FGGY: variants seen among roughly 807,000 people sequenced by gnomAD.
FGGY encodes the protein FGGY carbohydrate kinase domain-containing protein.
In FGGY, 72 loss-of-function variants were observed where a neutral mutation model predicts 71.3. The ratio of observed to expected loss-of-function variants is 1.01; its 90% CI spans 0.84 to 1.23. The LOEUF is 1.23. Ranked by LOEUF, FGGY falls within the 50% of genes most tolerant of loss-of-function variation. FGGY has a pLI of 0.00. For synonymous variants in FGGY, 251 were observed against 250.3 expected (o/e 1.00, Z -0.02); for missense variants, 668 against 682.3 (o/e 0.98, Z 0.23).
intron 2 of FGGY, among the ~76,000 whole-genome samples, chr1:59,335,942 T>G (rs1361816339): frequency 6.6e-6 from 1 of 152,172 alleles, no homozygotes; most frequent in South Asian, 2.1e-4. Flanking sequence ...TTTCTTCCAG[T>G]CTGTAGCTTG....
At chr1:59,673,873 A>G (rs1173349338) in intron 13 of FGGY, 166 bp from the exon 14 acceptor site, 1 of 597,400 alleles carries the variant, frequency 1.7e-6, no homozygotes, top group Non-Finnish European at 3.0e-6. Context: ...GAAATCTTTT[A>G]GAACCAAATA....
At chr1:59,305,397 A>G (rs1417892977) in intron 1 of FGGY, among the ~76,000 whole-genome samples, 1 of 152,146 alleles carries the variant, frequency 6.6e-6, no homozygotes, top group Non-Finnish European at 1.5e-5. Context: ...CATTACAAGG[A>G]TAGTTACTTA....
chr1:59,533,793 A>G (rs2095234511), intron 7 of FGGY, among the ~76,000 whole-genome samples: 1 of 152,228 alleles, frequency 6.6e-6, no homozygotes, highest in Admixed American at 6.5e-5. Context: ...AGGAAAACTA[A>G]CAAACAGAAA....
chr1:59,368,453 T>C (rs1433581347), intron 4 of FGGY, among the ~76,000 whole-genome samples: 1 of 152,224 alleles, frequency 6.6e-6, no homozygotes. Flanking sequence ...CCTGTGACTT[T>C]GGGCTAAGCC....
chr1:59,370,375 A>G (rs537940910), intron 4 of FGGY, among the ~76,000 whole-genome samples: 4,249 of 152,098 alleles, frequency 0.028, 214 homozygotes, highest in African/African-American at 0.097. Context: ...AAAAAGAAAC[A>G]AACAAAGCCT....
intron 7 of FGGY, among the ~76,000 whole-genome samples, chr1:59,534,961 G>A (rs1010593848): frequency 4.0e-5 from 6 of 151,152 alleles, no homozygotes; most frequent in Non-Finnish European, 3.0e-5. Context: ...ATAATGACAG[G>A]AACAAATTCA....
At position 59,723,962 on chromosome 1, in the gene FGGY, A is replaced by C. The variant is rs150361054; in HGVS notation, c.1513-33969A>C. On this transcript the variant is annotated intron_variant, in intron 14 of 15. Transcript: ENST00000303721. ...CAGATCACATGAGGTCAGGAGTTCA[A>C]GACCAGCCTGGCCAGCATGGCAAAA... Among the ~76,000 whole-genome samples, 579 of 152,134 alleles carry C rather than the reference A, an allele frequency of 3.8e-3. 12 individuals are homozygous for C. The East Asian group carries it at 0.055, about 14-fold the overall frequency.
At chr1:59,389,778 T>C (rs994147098) in intron 5 of FGGY, among the ~76,000 whole-genome samples, 25 of 152,200 alleles carry the variant, frequency 1.6e-4, no homozygotes, top group African/African-American at 5.5e-4. Flanking sequence ...TTATACCCAT[T>C]GTAGTAGATA....
intron 7 of FGGY, among the ~76,000 whole-genome samples, chr1:59,513,549 T>C (rs1414171193): frequency 6.6e-6 from 1 of 152,238 alleles, no homozygotes; most frequent in Non-Finnish European, 1.5e-5. Context: ...TCAGGTGTAT[T>C]TAGAAATTCT....
intron 5 of FGGY, among the ~76,000 whole-genome samples, chr1:59,409,255 G>C (rs2063220658): frequency 6.6e-6 from 1 of 152,172 alleles, no homozygotes. Context: ...CTGCAGCTTG[G>C]AGGGGAGTGT....
At chr1:59,692,902 G>GGAAGAAACTCTGGACTTGGCATCA (rs1322128400) in intron 14 of FGGY, among the ~76,000 whole-genome samples, 51 of 152,314 alleles carry the variant, frequency 3.3e-4, no homozygotes, top group South Asian at 6.2e-4. Context: ...TTTCAAGGGT[G>GGAAGAAACTCTGGACTTGGCATCA]GAAGAAACTC....
At chr1:59,446,726 T>C (rs543408815) in intron 5 of FGGY, among the ~76,000 whole-genome samples, 23 of 152,214 alleles carry the variant, frequency 1.5e-4, no homozygotes, top group Non-Finnish European at 3.1e-4. Context: ...CTTGGTAATT[T>C]ATCCCCACTC....
intron 5 of FGGY, among the ~76,000 whole-genome samples, chr1:59,425,248 G>A (rs1302498881): frequency 6.6e-6 from 1 of 152,174 alleles, no homozygotes; most frequent in African/African-American, 2.4e-5. Context: ...GGATGACGTA[G>A]TAACATTTGA....
chr1:59,397,810 C>T (rs572874686), intron 5 of FGGY, among the ~76,000 whole-genome samples: 61 of 152,314 alleles, frequency 4.0e-4, no homozygotes, highest in African/African-American at 1.5e-3. Context: ...TGCTCATTCA[C>T]AGGGAGTACT....
rs866082456 is a variant in FGGY, at chr1:59,587,062, G to A, written c.904-20741G>A. On this transcript the variant is annotated intron_variant, in intron 8 of 15. Transcript: ENST00000303721. ...TAGTCAAAGAAAGGGGTGACAGATG[G>A]CACCTGGAAAATCGGGTCACTCCCG... is the stretch of plus-strand genomic sequence containing the variant. 2.0e-5 allele frequency among the ~76,000 whole-genome samples: 3 copies of A among 152,198 alleles called. No individual in the cohort carries two copies. The South Asian group carries it at 6.2e-4, about 31-fold the overall frequency.
At chr1:59,503,674 A>G (rs1363022668) in intron 6 of FGGY, among the ~76,000 whole-genome samples, 1 of 147,826 alleles carries the variant, frequency 6.8e-6, no homozygotes, top group East Asian at 1.9e-4. Flanking sequence ...ATTAAATGTT[A>G]TATTCAATTA....
chr1:59,351,513 C>A (rs1332474916), intron 4 of FGGY, among the ~76,000 whole-genome samples: 2 of 152,138 alleles, frequency 1.3e-5, no homozygotes, highest in Admixed American at 1.3e-4. Context: ...ATGCTTGCTC[C>A]AACCATTGTA....
intron 8 of FGGY, among the ~76,000 whole-genome samples, chr1:59,581,947 T>C (rs1418930938): frequency 1.3e-5 from 2 of 150,016 alleles, no homozygotes; most frequent in Non-Finnish European, 2.9e-5. Flanking sequence ...GCTGTGATCA[T>C]CTATTTGATA....
intron 5 of FGGY, among the ~76,000 whole-genome samples, chr1:59,438,470 G>T (rs2069004057): frequency 6.6e-6 from 1 of 152,168 alleles, no homozygotes; most frequent in Non-Finnish European, 1.5e-5. Context: ...TAATGTTGCT[G>T]TTCCTCTCCT....
Sources: allele counts gnomAD v4.1 joint callset (sites outside exome capture counted in the v4.1 genomes callset), GRCh38; gene constraint gnomAD v4.1.1; transcripts MANE v1.5; gene names NCBI Gene and HGNC (gene_info 2026-07-23, HGNC 2026-07-21).